C1orf87: variants seen among roughly 807,000 people sequenced by gnomAD.
C1orf87 encodes the protein uncharacterized protein C1orf87.
A neutral mutation model predicts 60.5 loss-of-function variants in C1orf87; 58 were observed. The observed-to-expected ratio is 0.96, with a 90% CI of 0.78 to 1.19. C1orf87 has a LOEUF of 1.19. C1orf87 is among the 50% of genes most tolerant of loss of function. The probability of loss-of-function intolerance (pLI) is 0.00; values close to 1 mark genes in which losing one functional copy is unlikely to be tolerated. For synonymous variants in C1orf87, 236 were observed against 227.4 expected (o/e 1.04, Z -0.34); for missense variants, 673 against 638.6 (o/e 1.05, Z -0.58).
chr1:60,043,114 T>G (rs568817664), intron 3 of C1orf87, among the ~76,000 whole-genome samples: 1 of 152,316 alleles, frequency 6.6e-6, no homozygotes, highest in Admixed American at 6.5e-5. Flanking sequence ...AGACAGATGA[T>G]GCTTTCAGAG....
At chr1:60,003,134 T>A (rs1645018943) in intron 9 of C1orf87, among the ~76,000 whole-genome samples, 1 of 147,736 alleles carries the variant, frequency 6.8e-6, no homozygotes, top group Admixed American at 6.8e-5. Flanking sequence ...TGGAATACTA[T>A]GCAGCCATAA....
At chr1:60,001,248 A>C in intron 9 of C1orf87, 92 bp from the exon 10 acceptor site, 1 of 870,452 alleles carries the variant, frequency 1.1e-6, no homozygotes, top group Non-Finnish European at 1.6e-6. Flanking sequence ...AACAGCAACA[A>C]CAAAAAAATG....
At chr1:60,048,564 T>A (rs1352430423) in intron 3 of C1orf87, among the ~76,000 whole-genome samples, 2 of 152,182 alleles carry the variant, frequency 1.3e-5, no homozygotes, top group Non-Finnish European at 2.9e-5. Flanking sequence ...TACAAATTGA[T>A]TTTCTTAACA....
At chr1:59,998,801 G>A (rs555373975) in intron 10 of C1orf87, among the ~76,000 whole-genome samples, 7 of 152,260 alleles carry the variant, frequency 4.6e-5, no homozygotes, top group Admixed American at 1.3e-4. Flanking sequence ...TACTGAGAAA[G>A]AGAGAGAATA....
chr1:60,006,343 A>G (rs1235607657), intron 9 of C1orf87, among the ~76,000 whole-genome samples: 2 of 152,068 alleles, frequency 1.3e-5, no homozygotes, highest in African/African-American at 4.8e-5. Flanking sequence ...TAAATAAACC[A>G]AAATCTCTAT....
At chr1:60,028,802 G>A (rs892793914) in intron 7 of C1orf87, among the ~76,000 whole-genome samples, 3 of 151,158 alleles carry the variant, frequency 2.0e-5, no homozygotes, top group Admixed American at 2.0e-4. Context: ...AGACATGGCC[G>A]ATCATGCCAT....
intron 2 of C1orf87, among the ~76,000 whole-genome samples, chr1:60,059,022 G>A (rs1034027074): frequency 6.6e-6 from 1 of 152,066 alleles, no homozygotes; most frequent in African/African-American, 2.4e-5. Context: ...TTTTAAAACA[G>A]TCCCTGTAGA....
intron 2 of C1orf87, among the ~76,000 whole-genome samples, chr1:60,068,100 C>A (rs1468654045): frequency 1.3e-5 from 2 of 152,006 alleles, no homozygotes; most frequent in Admixed American, 6.6e-5. Context: ...CCTCTACTGC[C>A]CCCACCTTTA....
chr1:60,036,745 A>G (rs1320588799), intron 6 of C1orf87, among the ~76,000 whole-genome samples: 1 of 152,172 alleles, frequency 6.6e-6, no homozygotes. Flanking sequence ...TTTGGCAAAC[A>G]TGAAAATATT....
intron 9 of C1orf87, among the ~76,000 whole-genome samples, chr1:60,004,010 C>T (rs1030858529): frequency 1.3e-5 from 2 of 152,010 alleles, no homozygotes; most frequent in South Asian, 2.1e-4. Context: ...TAAGTTGTCA[C>T]GAGAACCCAT....
In C1orf87 at chr1:60,013,248, A is replaced by T. The variant is rs2100260597; in HGVS notation, c.1128-2792T>A. ...CATTTTTTCTAGTTTTCTTTTTCAC[A>T]ATACCAAGGCCTCTTAGGTTGAATC... On this transcript the variant is annotated intron_variant, in intron 8 of 11. Coordinates refer to ENST00000371201, the MANE Select transcript of C1orf87 (RefSeq NM_152377.3). 2.0e-5 allele frequency among the ~76,000 whole-genome samples: 3 copies of T among 152,056 alleles called. No individual in the cohort carries two copies. The South Asian group carries it at 6.2e-4, about 32-fold the overall frequency.
chr1:60,016,910 C>T (rs1444527737), intron 8 of C1orf87, among the ~76,000 whole-genome samples: 2 of 152,346 alleles, frequency 1.3e-5, no homozygotes, highest in East Asian at 3.9e-4. Flanking sequence ...GGAACTTAGG[C>T]AGTTTGGCCA....
chr1:60,027,093 C>T (rs1645203551), intron 7 of C1orf87, among the ~76,000 whole-genome samples: 1 of 152,166 alleles, frequency 6.6e-6, no homozygotes, highest in African/African-American at 2.4e-5. Context: ...GTCACTGTTA[C>T]TATTTTTAGA....
chr1:59,990,577 A>C lies in C1orf87; in HGVS notation c.*96T>G. On this transcript the variant is annotated 3_prime_UTR_variant, in exon 12 of 12. Transcript: ENST00000371201. ...TAGCTGCATCGGCCTCCACTCTGAC[A>C]ATGCCTCCGCCACTACACTTAGGCT... The C allele has an allele frequency of 6.9e-7, 1 of 1,439,690 alleles. No individual in the cohort carries two copies. The highest frequency in any genetic ancestry group is 1.9e-5 in the Admixed American group (1 of 51,366). 89.2% of individuals were successfully genotyped at this position (1,439,690 alleles called of 1,614,324 possible). A position where few individuals can be genotyped will look rare whatever the true frequency, so the allele number is the denominator to read the frequency against.
chr1:60,020,580 A>G (rs1172594486), intron 8 of C1orf87, among the ~76,000 whole-genome samples: 1 of 152,164 alleles, frequency 6.6e-6, no homozygotes, highest in Non-Finnish European at 1.5e-5. Context: ...TTGGACTTGC[A>G]TGGGGTCTGT....
intron 8 of C1orf87, among the ~76,000 whole-genome samples, chr1:60,019,497 G>A (rs528954146): frequency 2.0e-5 from 3 of 152,316 alleles, no homozygotes; most frequent in East Asian, 1.9e-4. Flanking sequence ...CTGCTATAAA[G>A]ATACATGAAA....
chr1:60,010,898 A>ATAAG (rs1478503805), intron 8 of C1orf87: 3 of 147,252 alleles, frequency 2.0e-5, no homozygotes, highest in African/African-American at 7.5e-5. Context: ...AAATAAATAA[A>ATAAG]TAAATAAATA....
intron 8 of C1orf87, among the ~76,000 whole-genome samples, chr1:60,019,284 G>A (rs953210204): frequency 1.3e-5 from 2 of 152,162 alleles, no homozygotes; most frequent in Admixed American, 6.6e-5. Flanking sequence ...CTGCTTTGCC[G>A]TGGTAAGATA....
rs890962244 is a variant in C1orf87, at chr1:60,063,894, G to A, written c.108-8456C>T. ...TGAGTGTCAACTCGATAGGATTGACGGATGCAAATTATTGATCCTGGGTGT... is the reference window on the plus strand; with the variant it reads ...TGAGTGTCAACTCGATAGGATTGACAGATGCAAATTATTGATCCTGGGTGT... On this transcript the variant is annotated intron_variant, in intron 2 of 11. Transcript: ENST00000371201. 4.6e-5 allele frequency among the ~76,000 whole-genome samples: 7 copies of A among 152,158 alleles called. No homozygotes were observed. The South Asian group carries it at 8.3e-4, about 18-fold the overall frequency.
Sources: gnomAD v4.1 joint callset for allele counts (sites outside exome capture counted in the v4.1 genomes callset) on GRCh38, gnomAD v4.1.1 for gene constraint, MANE v1.5 for transcripts, NCBI Gene and HGNC (gene_info 2026-07-23, HGNC 2026-07-21) for gene names.